Variants in GLRA3 observed in about 807,000 individuals in gnomAD.
GLRA3 encodes the protein glycine receptor alpha 3, also known as glycine receptor subunit alpha-3.
Under a neutral mutation model 60.4 loss-of-function variants are expected in GLRA3, and 44 were observed. The observed-to-expected ratio is 0.73, with a 90% CI of 0.57 to 0.94. The LOEUF (loss-of-function observed/expected upper bound fraction) is 0.94, where lower values mean the gene tolerates loss of function less well. Among genes scored for constraint, GLRA3 ranks in the 40% least tolerant of loss-of-function variants. The pLI, the probability that GLRA3 is intolerant of heterozygous loss-of-function variation, is 0.00. For missense variants in GLRA3, 508 were observed against 564.6 expected (o/e 0.90, Z 1.02); for synonymous variants, 223 against 192.9 (o/e 1.16, Z -1.29).
intron 1 of GLRA3, among the ~76,000 whole-genome samples, chr4:174,807,012 G>A (rs1159692659): frequency 1.3e-5 from 2 of 151,990 alleles, no homozygotes; most frequent in African/African-American, 4.8e-5. Context: ...GACAGTTAGA[G>A]ACTGCTCTAT....
chr4:174,689,939 C>T (rs946978845), intron 5 of GLRA3, among the ~76,000 whole-genome samples: 2 of 151,714 alleles, frequency 1.3e-5, no homozygotes, highest in Non-Finnish European at 2.9e-5. Context: ...AAACAGATTT[C>T]AAACCATTGA....
At chr4:174,785,677 T>C (rs1739097831) in intron 2 of GLRA3, among the ~76,000 whole-genome samples, 1 of 152,202 alleles carries the variant, frequency 6.6e-6, no homozygotes, top group South Asian at 2.1e-4. Flanking sequence ...TGATTACTTA[T>C]CTAGGTAAGT....
At chr4:174,688,579 AGTGT>A (rs59653917) in intron 5 of GLRA3, among the ~76,000 whole-genome samples, 18,892 of 133,732 alleles carry the variant, frequency 0.14, 1,390 homozygotes, top group South Asian at 0.18. Flanking sequence ...GGAAGGAGGA[AGTGT>A]GTGTGTGTGT....
intron 9 of GLRA3, among the ~76,000 whole-genome samples, chr4:174,648,506 C>T (rs1708421139): frequency 6.6e-6 from 1 of 151,112 alleles, no homozygotes; most frequent in Non-Finnish European, 1.5e-5. Context: ...CTGAGAAGGA[C>T]TGACTGATGC....
At chr4:174,743,815 T>C (rs1579538929) in intron 3 of GLRA3, among the ~76,000 whole-genome samples, 1 of 152,178 alleles carries the variant, frequency 6.6e-6, no homozygotes, top group African/African-American at 2.4e-5. Flanking sequence ...AGATATTACA[T>C]ACAATAGGTG....
chr4:174,732,424 T>A (rs1367278315), intron 3 of GLRA3, among the ~76,000 whole-genome samples: 1 of 150,320 alleles, frequency 6.7e-6, no homozygotes, highest in Non-Finnish European at 1.5e-5. Flanking sequence ...ACACTCAGGA[T>A]ACAAACATTT....
Position 174,655,449 on chromosome 4 carries a change from C to T in GLRA3, c.1116+1294G>A, listed in dbSNP as rs72998767. Among the ~76,000 whole-genome samples the T allele has an allele frequency of 1.4e-3, 210 of 151,950 alleles. 3 individuals carry two copies. Among genetic ancestry groups the T allele is most frequent in the African/African-American group, 4.9e-3 (202 of 41,466 alleles). Reference sequence around the variant, plus strand: ...ATAAAAATAAGAATGTATTGACTTCCCATAAGATAAGCCTGTTTTTTCATT... The same window carrying T: ...ATAAAAATAAGAATGTATTGACTTCTCATAAGATAAGCCTGTTTTTTCATT... On this transcript the variant is annotated intron_variant, in intron 9 of 9. Coordinates refer to ENST00000274093, the MANE Select transcript of GLRA3 (RefSeq NM_006529.4).
intron 2 of GLRA3, among the ~76,000 whole-genome samples, chr4:174,771,205 A>G (rs1579579642): frequency 6.6e-6 from 1 of 152,258 alleles, no homozygotes. Flanking sequence ...CACATTGTGC[A>G]CATGTAACTT....
chr4:174,675,288 C>G (rs1180817360), intron 7 of GLRA3, among the ~76,000 whole-genome samples: 1 of 152,090 alleles, frequency 6.6e-6, no homozygotes, highest in Non-Finnish European at 1.5e-5. Context: ...AAAAATGTCT[C>G]CTATTTCTTG....
intron 3 of GLRA3, among the ~76,000 whole-genome samples, chr4:174,761,936 A>G (rs1737956506): frequency 6.6e-6 from 1 of 152,182 alleles, no homozygotes; most frequent in Non-Finnish European, 1.5e-5. Context: ...AATGGAAAAA[A>G]GTTTATGATT....
At position 174,641,579 on chromosome 4, in the gene GLRA3, C is replaced by T. The variant is rs1378743165; in HGVS notation, c.*2207G>A. The T allele has an allele frequency of 3.9e-5, 6 of 151,974 alleles. No individual in the cohort carries two copies. The East Asian group carries it at 5.8e-4, about 15-fold the overall frequency. The allele number at this position is 151,974 out of a possible 1,614,324, so 9.4% of individuals were successfully genotyped here. A position where few individuals can be genotyped will look rare whatever the true frequency, so the allele number is the denominator to read the frequency against. Reference sequence around the variant, plus strand: ...ACTTTTGAGATAGATTTCTAATGTACCAACGTCCTTGTTGACAATATTGTC... The same window carrying T: ...ACTTTTGAGATAGATTTCTAATGTATCAACGTCCTTGTTGACAATATTGTC... On this transcript the variant is annotated 3_prime_UTR_variant, in exon 10 of 10. Transcript: ENST00000274093.
chr4:174,637,578 G>A lies in GLRA3; in HGVS notation c.*6208C>T, dbSNP rs1732526310. On this transcript the variant is annotated 3_prime_UTR_variant, in exon 10 of 10. Coordinates refer to ENST00000274093, the MANE Select transcript of GLRA3 (RefSeq NM_006529.4). ...CACCCAGGCTGGATACTGTGTATGT[G>A]AGCGGGGTTGCCCAAAGGCGCCATT... The A allele has an allele frequency of 1.4e-5, 2 of 142,228 alleles. No homozygotes were observed. The highest frequency in any genetic ancestry group is 3.3e-5 in the Non-Finnish European group (2 of 61,036). The allele number at this position is 142,228 out of a possible 1,614,324, so 8.8% of individuals were successfully genotyped here. A position where few individuals can be genotyped will look rare whatever the true frequency, so the allele number is the denominator to read the frequency against.
chr4:174,686,263 T>C (rs1470518412), intron 5 of GLRA3, among the ~76,000 whole-genome samples: 1 of 152,220 alleles, frequency 6.6e-6, no homozygotes, highest in Non-Finnish European at 1.5e-5. Context: ...AAAAAATCAA[T>C]ACTTTTTTAC....
At chr4:174,777,840 A>G (rs558248884) in intron 2 of GLRA3, among the ~76,000 whole-genome samples, 9 of 152,310 alleles carry the variant, frequency 5.9e-5, no homozygotes, top group African/African-American at 2.2e-4. Flanking sequence ...ATTATTCTGT[A>G]AACCTAAAAC....
At chr4:174,766,888 A>G (rs1738161572) in intron 3 of GLRA3, 75 bp downstream of exon 3, 1 of 742,136 alleles carries the variant, frequency 1.3e-6, no homozygotes. Context: ...TGGGTTTTAA[A>G]TTACATAAAA....
intron 3 of GLRA3, among the ~76,000 whole-genome samples, chr4:174,743,173 T>C (rs1737092116): frequency 6.6e-6 from 1 of 152,202 alleles, no homozygotes; most frequent in South Asian, 2.1e-4. Flanking sequence ...ATAGTAGTTT[T>C]TGAAACCTAA....
intron 3 of GLRA3, among the ~76,000 whole-genome samples, chr4:174,746,130 T>G (rs192137820): frequency 4.5e-4 from 68 of 152,252 alleles, no homozygotes; most frequent in African/African-American, 1.6e-3. Context: ...AATCCAGCAA[T>G]CTTACTACTG....
chr4:174,740,238 G>C (rs893164106), intron 3 of GLRA3, among the ~76,000 whole-genome samples: 1 of 152,110 alleles, frequency 6.6e-6, no homozygotes, highest in Non-Finnish European at 1.5e-5. Flanking sequence ...CTAGAAGGCC[G>C]ACTGTGTCAG....
chr4:174,695,279 G>A (rs976529975), intron 5 of GLRA3, among the ~76,000 whole-genome samples: 1 of 151,850 alleles, frequency 6.6e-6, no homozygotes, highest in East Asian at 1.9e-4. Flanking sequence ...TGGCAAAGAC[G>A]CAACAAAAAA....
Sources: gnomAD v4.1 joint callset for allele counts (sites outside exome capture counted in the v4.1 genomes callset) on GRCh38, gnomAD v4.1.1 for gene constraint, MANE v1.5 for transcripts, NCBI Gene and HGNC (gene_info 2026-07-23, HGNC 2026-07-21) for gene names.